BLTP1: variants seen among roughly 807,000 people sequenced by gnomAD.
BLTP1 encodes the protein bridge-like lipid transfer protein family member 1.
At chr4:122,278,906 A>G in the BLTP1 span, among the ~76,000 whole-genome samples, 1 of 152,202 alleles carries the variant, frequency 6.6e-6, no homozygotes, top group Non-Finnish European at 1.5e-5. Context: ...TTGGGATTAC[A>G]GGTGGGAGCC....
At chr4:122,268,118 T>C in the BLTP1 span, among the ~76,000 whole-genome samples, 3 of 152,156 alleles carry the variant, frequency 2.0e-5, no homozygotes, top group African/African-American at 7.2e-5. Flanking sequence ...AAAATTACTT[T>C]TGTGACATTG....
the BLTP1 span, among the ~76,000 whole-genome samples, chr4:122,241,461 G>A: frequency 2.0e-5 from 3 of 152,184 alleles, no homozygotes; most frequent in Middle Eastern, 3.4e-3. Context: ...TGAATACTAC[G>A]TAGAATTGAA....
chr4:122,361,908 G>C, the BLTP1 span: 8 of 1,082,762 alleles, frequency 7.4e-6, no homozygotes, highest in Non-Finnish European at 1.0e-5. Context: ...TTATACAAAT[G>C]TACCTACTGA....
chr4:122,329,175 T>C, the BLTP1 span, among the ~76,000 whole-genome samples: 4 of 151,826 alleles, frequency 2.6e-5, no homozygotes, highest in Non-Finnish European at 5.9e-5. Context: ...ATTGCAGATC[T>C]ACTTCATTTT....
chr4:122,182,771 T>C, the BLTP1 span: 1 of 985,406 alleles, frequency 1.0e-6, no homozygotes, highest in Non-Finnish European at 1.2e-6. Context: ...TAATTGTAAT[T>C]GTTTATATGC....
chr4:122,240,117 C>T, the BLTP1 span: 9 of 1,613,952 alleles, frequency 5.6e-6, no homozygotes, highest in South Asian at 9.9e-5. Context: ...TATAGAACAT[C>T]TATATATTGT....
the BLTP1 span, chr4:122,221,173 C>A: frequency 6.2e-6 from 2 of 321,398 alleles, no homozygotes; most frequent in South Asian, 1.2e-4. Context: ...CAGAAATCAT[C>A]AATGAATGAT....
chr4:122,277,546 A>T, the BLTP1 span: 14 of 952,040 alleles, frequency 1.5e-5, no homozygotes, highest in Non-Finnish European at 1.8e-5. Flanking sequence ...TGTTCTAGGC[A>T]TTGGAAAGAG....
chr4:122,253,061 T>C, the BLTP1 span, among the ~76,000 whole-genome samples: 1 of 152,328 alleles, frequency 6.6e-6, no homozygotes, highest in Non-Finnish European at 1.5e-5. Context: ...GTGGTACCTC[T>C]ATAAGTTGCA....
At chr4:122,206,360 A>G in the BLTP1 span, among the ~76,000 whole-genome samples, 2 of 151,962 alleles carry the variant, frequency 1.3e-5, no homozygotes, top group African/African-American at 2.4e-5. Context: ...GATAGATGAT[A>G]GAAAGAAATA....
the BLTP1 span, chr4:122,220,380 A>G: frequency 6.2e-7 from 1 of 1,613,488 alleles, no homozygotes; most frequent in Non-Finnish European, 8.5e-7. Context: ...TCTTGGAAAG[A>G]CTATGTTTTG....
chr4:122,219,077 C>G, the BLTP1 span: 1 of 884,146 alleles, frequency 1.1e-6, no homozygotes, highest in Non-Finnish European at 1.4e-6. Context: ...CAAGGTTTTG[C>G]TGTAATTGGG....
At chr4:122,262,116 C>G in the BLTP1 span, among the ~76,000 whole-genome samples, 1 of 146,196 alleles carries the variant, frequency 6.8e-6, no homozygotes, top group African/African-American at 2.5e-5. Flanking sequence ...CCTAGACTTA[C>G]TTTTGATGGG....
the BLTP1 span, among the ~76,000 whole-genome samples, chr4:122,164,886 TCA>T: frequency 1.3e-5 from 2 of 152,194 alleles, no homozygotes; most frequent in Non-Finnish European, 1.5e-5. Context: ...TTTTACATTA[TCA>T]CATTCATGGT....
At chr4:122,262,737 A>G in the BLTP1 span, 3 of 1,538,414 alleles carry the variant, frequency 2.0e-6, no homozygotes, top group Non-Finnish European at 2.6e-6. Flanking sequence ...ATACATAAGA[A>G]ATAACCCTAA....
the BLTP1 span, among the ~76,000 whole-genome samples, chr4:122,182,359 C>T: frequency 6.6e-6 from 1 of 152,166 alleles, no homozygotes; most frequent in Non-Finnish European, 1.5e-5. Flanking sequence ...CTGCCCTCCC[C>T]TGAGTTTATT....
the BLTP1 span, chr4:122,219,175 G>C: frequency 1.0e-6 from 1 of 982,230 alleles, no homozygotes; most frequent in Non-Finnish European, 1.2e-6. Context: ...CTATGTGTAA[G>C]TCTTAACATA....
the BLTP1 span, among the ~76,000 whole-genome samples, chr4:122,244,366 A>G: frequency 6.6e-6 from 1 of 152,220 alleles, no homozygotes; most frequent in Middle Eastern, 3.4e-3. Flanking sequence ...CCGCGGATCA[A>G]AAAAGTCAAC....
chr4:122,296,354 T>C, the BLTP1 span, among the ~76,000 whole-genome samples: 1 of 152,158 alleles, frequency 6.6e-6, no homozygotes, highest in East Asian at 1.9e-4. Flanking sequence ...GGAATACAGC[T>C]AACAATGGAA....
Sources: allele counts gnomAD v4.1 joint callset (sites outside exome capture counted in the v4.1 genomes callset), GRCh38; gene constraint gnomAD v4.1.1; transcripts MANE v1.5; gene names NCBI Gene and HGNC (gene_info 2026-07-23, HGNC 2026-07-21).